The following TMEM40 variants were observed in gnomAD, a reference collection of about 807,000 sequenced individuals.
TMEM40 encodes the protein transmembrane protein 40.
In TMEM40, 34 loss-of-function variants were observed where a neutral mutation model predicts 40.8. That is an observed-to-expected ratio of 0.83 (90% CI 0.63 to 1.11). The LOEUF (loss-of-function observed/expected upper bound fraction) is 1.11, where lower values mean the gene tolerates loss of function less well. Among genes scored for constraint, TMEM40 ranks in the 50% least tolerant of loss-of-function variants. The probability of loss-of-function intolerance (pLI) is 0.00; values close to 1 mark genes in which losing one functional copy is unlikely to be tolerated. For synonymous variants in TMEM40, 106 were observed against 107.0 expected (o/e 0.99, Z 0.06); for missense variants, 296 against 280.2 (o/e 1.06, Z -0.40).
Position 12,735,580 on chromosome 3 carries a change from G to C in TMEM40, c.657C>G (p.Pro219=). The change falls in exon 11 of 12, where the codon CCC becomes CCG. Residue 219 remains proline, a synonymous_variant. Coordinates refer to ENST00000314124, the MANE Select transcript of TMEM40 (RefSeq NM_018306.4). The stretch of plus-strand genomic sequence containing the variant: ...CTGTCAGCCTAAACTTCTGGAAGAG[G>C]GGGATGAAGCCTTGGAGGACGCTGT... ...RIHSVLQGFI[P]LFQKFRLTGF... 6.2e-7 allele frequency: 1 copy of C among 1,613,658 alleles called. No individual in the cohort carries two copies. Among genetic ancestry groups the C allele is most frequent in the South Asian group, 1.1e-5 (1 of 91,034 alleles).
chr3:12,762,512 C>T (rs2061576685), upstream of TMEM40, among the ~76,000 whole-genome samples: 1 of 152,076 alleles, frequency 6.6e-6, no homozygotes, highest in Non-Finnish European at 1.5e-5. Flanking sequence ...GTCCAGAGGC[C>T]ACAGGGGAGA....
chr3:12,769,232 C>T (rs1010689941), intron 1 of TMEM40: 14 of 407,684 alleles, frequency 3.4e-5, no homozygotes, highest in African/African-American at 8.5e-5. Flanking sequence ...GGTTCCCGCC[C>T]GTGCCTTTCT....
chr3:12,763,676 C>T (rs1441441060), upstream of TMEM40, among the ~76,000 whole-genome samples: 2 of 152,074 alleles, frequency 1.3e-5, no homozygotes, highest in Non-Finnish European at 1.5e-5. Flanking sequence ...AATGGCGGGA[C>T]ACAGCCCCTA....
chr3:12,754,319 C>T lies in TMEM40; in HGVS notation c.-8-4479G>A, dbSNP rs1252315679. Among the ~76,000 whole-genome samples the T allele has an allele frequency of 2.0e-5, 3 of 152,074 alleles. No individual in the cohort carries two copies. The East Asian group carries it at 5.8e-4, about 29-fold the overall frequency. On this transcript the variant is annotated intron_variant, in intron 1 of 11. Transcript: ENST00000314124. ...AGAGCACGATTCCGTCTCAAAACAA[C>T]AACAACAACAACAACAAAACAAAAT...
intron 8 of TMEM40, among the ~76,000 whole-genome samples, chr3:12,737,132 G>A (rs998830216): frequency 1.1e-4 from 16 of 151,544 alleles, no homozygotes; most frequent in Non-Finnish European, 8.8e-5. Flanking sequence ...CTCTCATCTC[G>A]GCCTCCCAAA....
chr3:12,735,584 A>G lies in TMEM40; in HGVS notation c.653T>C (p.Ile218Thr). 6.2e-7 allele frequency: 1 copy of G among 1,613,472 alleles called. No individual in the cohort carries two copies. Among genetic ancestry groups the G allele is most frequent in the Non-Finnish European group, 8.5e-7 (1 of 1,179,782 alleles). ...YRIHSVLQGF[I>T]PLFQKFRLTG... is the part of the protein sequence containing the mutation. ...CAGCCTAAACTTCTGGAAGAGGGGG[A>G]TGAAGCCTTGGAGGACGCTGTGGAT... Residue 218 changes from isoleucine (I) to threonine (T), a missense_variant, in exon 11 of 12, where the codon ATC becomes ACC. By Grantham distance (89) the Ile-to-Thr change is moderately conservative. Transcript: ENST00000314124.
At chr3:12,760,864 G>A (rs1288338642), upstream of TMEM40, among the ~76,000 whole-genome samples, 1 of 151,886 alleles carries the variant, frequency 6.6e-6, no homozygotes, top group Non-Finnish European at 1.5e-5. Flanking sequence ...ACCTCAGCCT[G>A]CTGAGGAGCT....
chr3:12,768,086 G>C (rs1051659785), intron 1 of TMEM40, among the ~76,000 whole-genome samples: 4 of 152,246 alleles, frequency 2.6e-5, no homozygotes, highest in African/African-American at 9.6e-5. Flanking sequence ...CGTGTTCGGA[G>C]TTTCTTCCTT....
chr3:12,749,579 AG>A (rs1175592934), intron 2 of TMEM40, among the ~76,000 whole-genome samples, 180 bp downstream of exon 2: 1 of 152,170 alleles, frequency 6.6e-6, no homozygotes, highest in East Asian at 1.9e-4. Flanking sequence ...ACAGCACAGG[AG>A]GACAGATTGG....
chr3:12,753,219 T>TTC (rs1559532150), intron 1 of TMEM40, among the ~76,000 whole-genome samples: 2 of 129,614 alleles, frequency 1.5e-5, no homozygotes, highest in African/African-American at 6.4e-5. Context: ...TTCTTTTTTT[T>TTC]TTTTTTTTTT....
chr3:12,767,454 C>T (rs1407176240), intron 1 of TMEM40, among the ~76,000 whole-genome samples: 2 of 152,198 alleles, frequency 1.3e-5, no homozygotes, highest in East Asian at 1.9e-4. Flanking sequence ...TCAGGAGCTT[C>T]GGTTCACCTT....
chr3:12,752,494 G>T (rs2061486050), intron 1 of TMEM40, among the ~76,000 whole-genome samples: 1 of 152,142 alleles, frequency 6.6e-6, no homozygotes, highest in African/African-American at 2.4e-5. Flanking sequence ...GGCACAGAGA[G>T]GATAAGAAAC....
In TMEM40 at chr3:12,755,206, T is replaced by TCTTA. The variant is rs1412768587; in HGVS notation, c.-9+3984_-9+3985insTAAG. 9.6e-4 allele frequency among the ~76,000 whole-genome samples: 80 copies of TCTTA among 83,294 alleles called. 1 individual carries two copies. Among genetic ancestry groups the TCTTA allele is most frequent in the Admixed American group, 1.3e-3 (12 of 8,990 alleles). The allele number at this position is 83,294 out of a possible 152,430, so 54.6% of individuals were successfully genotyped here. A position where few individuals can be genotyped will look rare whatever the true frequency, so the allele number is the denominator to read the frequency against. ...TCCTTCCTTCCTTCCTTCCTTTCTT[T>TCTTA]CTTTCTTTCTCTCTCTCTCTCTCTC... On this transcript the variant is annotated intron_variant, in intron 1 of 11. Transcript: ENST00000314124.
chr3:12,743,583 T>C (rs1480024663), intron 4 of TMEM40, among the ~76,000 whole-genome samples: 1 of 152,244 alleles, frequency 6.6e-6, no homozygotes, highest in Non-Finnish European at 1.5e-5. Context: ...CATCCTGAGA[T>C]AACCACTATT....
chr3:12,762,210 T>G (rs2061571961), upstream of TMEM40, among the ~76,000 whole-genome samples: 1 of 152,210 alleles, frequency 6.6e-6, no homozygotes, highest in Non-Finnish European at 1.5e-5. Flanking sequence ...GCTCAAGTGA[T>G]TCTCCAGCCC....
chr3:12,736,484 C>A, intron 10 of TMEM40, 94 bp downstream of exon 10: 1 of 1,453,904 alleles, frequency 6.9e-7, no homozygotes, highest in Non-Finnish European at 9.4e-7. Flanking sequence ...TTGTGACTCT[C>A]TGGTCCATAC....
chr3:12,762,099 A>T (rs1164767383), upstream of TMEM40, among the ~76,000 whole-genome samples: 2 of 151,986 alleles, frequency 1.3e-5, no homozygotes, highest in African/African-American at 4.8e-5. Flanking sequence ...AGTAGCTGGG[A>T]CTACAGGTGT....
chr3:12,736,905 G>A, intron 8 of TMEM40, 70 bp from the exon 9 acceptor site: 1 of 1,585,402 alleles, frequency 6.3e-7, no homozygotes, highest in Non-Finnish European at 8.7e-7. Context: ...AGGAGACAAG[G>A]TCTTGCTCTG....
chr3:12,736,818 C>T lies in TMEM40; in HGVS notation c.490G>A (p.Val164Ile), dbSNP rs201284335. 5.2e-5 allele frequency: 84 copies of T among 1,614,048 alleles called. No homozygotes were observed. The South Asian group carries it at 6.7e-4, about 13-fold the overall frequency. The change falls in exon 9 of 12, where the codon GTC (valine) becomes ATC (isoleucine). Residue 164 changes from valine to isoleucine, a missense_variant. Coordinates refer to ENST00000314124, the MANE Select transcript of TMEM40 (RefSeq NM_018306.4). ...IKKDDEFFHF[V>I]LLCFAIGALL... is the part of the protein sequence containing the mutation. The stretch of plus-strand genomic sequence containing the variant: ...GCCCCGATGGCAAAGCACAGGAGGA[C>T]GAAATGGAAAAACTCATCTGTGAAG...
Sources: gnomAD v4.1 joint callset for allele counts (sites outside exome capture counted in the v4.1 genomes callset) on GRCh38, gnomAD v4.1.1 for gene constraint, MANE v1.5 for transcripts, NCBI Gene and HGNC (gene_info 2026-07-23, HGNC 2026-07-21) for gene names.